Variants in SH3BP5 observed in about 807,000 individuals in gnomAD.
SH3BP5 encodes SH3 domain binding protein 5.
In SH3BP5, 22 loss-of-function variants were observed where a neutral mutation model predicts 43.3. The ratio of observed to expected loss-of-function variants is 0.51; its 90% confidence interval spans 0.36 to 0.73. SH3BP5 has a LOEUF of 0.73. Among genes scored for constraint, SH3BP5 ranks in the 30% least tolerant of loss-of-function variants. The probability of loss-of-function intolerance (pLI) is 0.00; values close to 1 mark genes in which losing one functional copy is unlikely to be tolerated. For synonymous variants in SH3BP5, 255 were observed against 225.8 expected (o/e 1.13, Z -1.16); for missense variants, 529 against 586.9 (o/e 0.90, Z 1.02).
chr3:15,332,415 A>T lies in SH3BP5; in HGVS notation c.-7T>A, dbSNP rs770787769. The T allele has an allele frequency of 1.2e-5, 19 of 1,531,362 alleles. No homozygotes were observed. Among genetic ancestry groups the T allele is most frequent in the Non-Finnish European group, 1.6e-5 (18 of 1,144,454 alleles). The allele number at this position is 1,531,362 out of a possible 1,614,324, so 94.9% of individuals were successfully genotyped here. On this transcript the variant is annotated 5_prime_UTR_variant, in exon 1 of 9. Coordinates refer to ENST00000383791, the MANE Select transcript of SH3BP5 (RefSeq NM_004844.5). ...GCTTCAGTGCCGCGTCCATGCAGGC[A>T]GCCGGCACGCGCGCCGCGCAGTGGG...
intron 3 of SH3BP5, among the ~76,000 whole-genome samples, chr3:15,291,206 T>C (rs1451428467): frequency 2.0e-5 from 3 of 152,196 alleles, no homozygotes; most frequent in Admixed American, 6.5e-5. Context: ...TTAGTATCAC[T>C]CAACTCTCCT....
At chr3:15,340,565 A>G (rs1206423563) in intron 1 of SH3BP5, among the ~76,000 whole-genome samples, 7 of 152,172 alleles carry the variant, frequency 4.6e-5, no homozygotes, top group Non-Finnish European at 7.3e-5. Context: ...AACCTGGCCA[A>G]CATGGCGAAA....
At chr3:15,316,947 CAT>C (rs1184698790) in intron 2 of SH3BP5, among the ~76,000 whole-genome samples, 1 of 152,214 alleles carries the variant, frequency 6.6e-6, no homozygotes, top group Non-Finnish European at 1.5e-5. Context: ...TGGCCAAACA[CAT>C]GTTCTTAAAT....
chr3:15,256,862 C>A lies in SH3BP5; in HGVS notation c.1141G>T (p.Val381Leu), dbSNP rs371355073. The A allele has an allele frequency of 6.2e-7, 1 of 1,610,210 alleles. No individual in the cohort carries two copies. The highest frequency in any genetic ancestry group is 1.1e-5 in the South Asian group (1 of 90,902). Residue 381 changes from valine (V) to leucine (L), a missense_variant, in exon 8 of 9, where the codon GTA (valine) becomes TTA (leucine). This residue lies in a region of SH3BP5 where 369 missense variants were observed against 384.3 expected (regional missense o/e 0.96). Coordinates refer to ENST00000383791, the MANE Select transcript of SH3BP5 (RefSeq NM_004844.5). The stretch of plus-strand genomic sequence containing the variant: ...GAAGGCTGCTACTCACCTCGTTCTA[C>A]TTCACATTCAGGGGAGGAGGCCCCG... ...CSGASSPECEVERGDRAEGAE... is the reference protein window; with the variant it reads ...CSGASSPECELERGDRAEGAE...
chr3:15,261,664 T>G (rs1696443142), intron 5 of SH3BP5, among the ~76,000 whole-genome samples: 1 of 149,308 alleles, frequency 6.7e-6, no homozygotes, highest in African/African-American at 2.5e-5. Flanking sequence ...CAATGTTGTA[T>G]AAAAATATAC....
At chr3:15,269,175 T>C (rs1696726358) in intron 4 of SH3BP5, among the ~76,000 whole-genome samples, 1 of 151,986 alleles carries the variant, frequency 6.6e-6, no homozygotes, top group Admixed American at 6.6e-5. Context: ...AAGCTGTGAG[T>C]AAGGATCACA....
At chr3:15,257,277 C>T in intron 7 of SH3BP5, 164 bp from the exon 8 acceptor site, 2 of 668,442 alleles carry the variant, frequency 3.0e-6, no homozygotes, top group East Asian at 2.7e-5. Context: ...GAATGACCAG[C>T]CTCTAAAGCA....
intron 3 of SH3BP5, among the ~76,000 whole-genome samples, chr3:15,280,602 C>T (rs182825768): frequency 7.2e-5 from 11 of 152,272 alleles, no homozygotes; most frequent in African/African-American, 2.4e-4. Flanking sequence ...GCCTTCCCTG[C>T]CAGCCAGCCA....
chr3:15,323,047 G>A (rs747532253), intron 2 of SH3BP5, among the ~76,000 whole-genome samples: 6 of 152,042 alleles, frequency 3.9e-5, no homozygotes, highest in South Asian at 2.1e-4. Flanking sequence ...GCTAAGGCAC[G>A]AAAATCGCTT....
At chr3:15,316,395 T>C (rs1698186221) in intron 2 of SH3BP5, among the ~76,000 whole-genome samples, 1 of 152,008 alleles carries the variant, frequency 6.6e-6, no homozygotes, top group Non-Finnish European at 1.5e-5. Flanking sequence ...CAGCTAATTT[T>C]TGTATTTTTA....
intron 2 of SH3BP5, among the ~76,000 whole-genome samples, chr3:15,305,469 A>C (rs1697876977): frequency 6.7e-6 from 1 of 150,176 alleles, no homozygotes; most frequent in African/African-American, 2.5e-5. Context: ...TAGGTATTAC[A>C]GCCCGTTCCA....
Position 15,330,565 on chromosome 3 carries a change from C to A in SH3BP5, c.140G>T (p.Gly47Val), listed in dbSNP as rs571292243. ...GGACTGATTTAACTTCTCCAGTTCT[C>A]CCTGGTGAAGAAAAGAGGGAGAAAA... is the stretch of plus-strand genomic sequence containing the variant. ...EEEEVDPRIQ[G>V]ELEKLNQSTD... Residue 47 changes from glycine (G) to valine (V), a missense_variant and splice_region_variant, in exon 2 of 9, where the codon GGA becomes GTA. Coordinates refer to ENST00000383791, the MANE Select transcript of SH3BP5 (RefSeq NM_004844.5). 1.9e-6 allele frequency: 3 copies of A among 1,597,668 alleles called. No homozygotes were observed. In the South Asian group the frequency reaches 3.4e-5, roughly 18 times the overall value.
At chr3:15,317,116 T>C (rs939695412) in intron 2 of SH3BP5, among the ~76,000 whole-genome samples, 4 of 152,230 alleles carry the variant, frequency 2.6e-5, no homozygotes, top group Non-Finnish European at 5.9e-5. Flanking sequence ...TTCACAATCA[T>C]TAGATTTCAG....
chr3:15,305,530 G>C (rs1697879124), intron 2 of SH3BP5, among the ~76,000 whole-genome samples: 1 of 152,212 alleles, frequency 6.6e-6, no homozygotes, highest in Non-Finnish European at 1.5e-5. Context: ...GAACTCAGCA[G>C]GGAAGAATGG....
Position 15,255,971 on chromosome 3 carries a change from G to T in SH3BP5, c.*115C>A. On this transcript the variant is annotated 3_prime_UTR_variant, in exon 9 of 9. Coordinates refer to ENST00000383791, the MANE Select transcript of SH3BP5 (RefSeq NM_004844.5). Reference sequence around the variant, plus strand: ...CCTCAAGGTCACTGAAACTTCATTAGAGCAGTTTAGAGTAGACGTGTAAGA... The same window carrying T: ...CCTCAAGGTCACTGAAACTTCATTATAGCAGTTTAGAGTAGACGTGTAAGA... The T allele has an allele frequency of 1.1e-6, 1 of 874,084 alleles. No individual in the cohort carries two copies. 54.1% of individuals were successfully genotyped at this position (874,084 alleles called of 1,614,324 possible). A position where few individuals can be genotyped will look rare whatever the true frequency, so the allele number is the denominator to read the frequency against.
At chr3:15,295,113 C>A (rs1260434832) in intron 3 of SH3BP5, among the ~76,000 whole-genome samples, 1 of 152,184 alleles carries the variant, frequency 6.6e-6, no homozygotes, top group Non-Finnish European at 1.5e-5. Context: ...GTGACACACT[C>A]CCTAGCTTCT....
At chr3:15,311,645 C>T (rs908795871) in intron 2 of SH3BP5, among the ~76,000 whole-genome samples, 2 of 152,130 alleles carry the variant, frequency 1.3e-5, no homozygotes, top group African/African-American at 2.4e-5. Context: ...AAGTGTCAAG[C>T]GTTAGATGTA....
At chr3:15,333,481 C>T (rs1301258070), upstream of SH3BP5, among the ~76,000 whole-genome samples, 10 of 152,148 alleles carry the variant, frequency 6.6e-5, no homozygotes, top group Non-Finnish European at 1.5e-4. Context: ...GAGCTTCTTT[C>T]TGAGAACCTA....
At position 15,294,324 on chromosome 3, in the gene SH3BP5, TGTGTGTGC is replaced by T. The variant is rs1435895015; in HGVS notation, c.330+9771_330+9778del. Among the ~76,000 whole-genome samples, 5 of 135,542 alleles carry T rather than the reference TGTGTGTGC, an allele frequency of 3.7e-5. No individual in the cohort carries two copies. In the South Asian group the frequency reaches 1.1e-3, roughly 31 times the overall value. The allele number at this position is 135,542 out of a possible 152,430, so 88.9% of individuals were successfully genotyped here. A position where few individuals can be genotyped will look rare whatever the true frequency, so the allele number is the denominator to read the frequency against. ...GTGTGTGTGTGTGTGTGTGTGTGTG[TGTGTGTGC>T]GCGCGCATGTTTACGTAACTCCCCC... is the stretch of plus-strand genomic sequence containing the variant. On this transcript the variant is annotated intron_variant, in intron 3 of 8. Coordinates refer to ENST00000383791, the MANE Select transcript of SH3BP5 (RefSeq NM_004844.5).
Sources: gnomAD v4.1 joint callset for allele counts (sites outside exome capture counted in the v4.1 genomes callset) on GRCh38, gnomAD v4.1.1 for gene constraint, gnomAD v4.1.1 regional missense constraint, MANE v1.5 for transcripts, NCBI Gene and HGNC (gene_info 2026-07-23, HGNC 2026-07-21) for gene names.